PTPRS: variants seen among roughly 807,000 people sequenced by gnomAD.
PTPRS encodes receptor-type tyrosine-protein phosphatase S.
In PTPRS, 63 loss-of-function variants were observed where a neutral mutation model predicts 215.3. That is an observed-to-expected ratio of 0.29 (90% confidence interval 0.24 to 0.36). The LOEUF is 0.36. Ranked by LOEUF, PTPRS falls within the 10% of genes least tolerant of loss-of-function variation. PTPRS has a pLI of 1.00. For missense variants in PTPRS, 2,258 were observed against 2,825.8 expected (o/e 0.80, Z 4.56); for synonymous variants, 1,404 against 1,191.4 (o/e 1.18, Z -3.68).
At chr19:5,270,990 C>T (rs1232937783) in intron 4 of PTPRS, among the ~76,000 whole-genome samples, 1 of 152,116 alleles carries the variant, frequency 6.6e-6, no homozygotes, top group Non-Finnish European at 1.5e-5. Flanking sequence ...TGATGCCAGT[C>T]CCAGTTTCAT....
chr19:5,222,139 G>A lies in PTPRS; in HGVS notation c.3185C>T (p.Ser1062Leu). ...LSWEFPDNYN[S>L]PTPYKIQYNG... ...CAGTCGCACCTTGTAGGGTGTGGGT[G>A]AGTTGTAGTTGTCAGGGAACTCCCA... Residue 1062 changes from serine (S) to leucine (L), a missense_variant, in exon 19 of 38, where the codon TCA (serine) becomes TTA (leucine). By Grantham distance (145) the Ser-to-Leu change is moderately radical. Transcript: ENST00000262963. 6.2e-7 allele frequency: 1 copy of A among 1,613,642 alleles called. No homozygotes were observed. The highest frequency in any genetic ancestry group is 8.5e-7 in the Non-Finnish European group (1 of 1,179,734).
In PTPRS at chr19:5,243,885, C is replaced by A. The variant is rs757987049; in HGVS notation, c.1570+16G>T. On this transcript the variant is annotated intron_variant, in intron 11 of 37. Transcript: ENST00000262963. ...GCACGGCCGGGGCCCCGAGTCCTGC[C>A]GACCCCACGCCTCACCTCCCTGCTG... The A allele has an allele frequency of 6.8e-7, 1 of 1,464,028 alleles. No homozygotes were observed. The allele number at this position is 1,464,028 out of a possible 1,614,324, so 90.7% of individuals were successfully genotyped here.
intron 13 of PTPRS, among the ~76,000 whole-genome samples, chr19:5,236,799 A>T (rs1053604943): frequency 6.7e-6 from 1 of 148,994 alleles, no homozygotes; most frequent in Admixed American, 6.8e-5. Flanking sequence ...GACCAGCCAC[A>T]CCAACCAAAG....
chr19:5,243,786 A>G (rs1391904277), intron 11 of PTPRS, 115 bp downstream of exon 11: 3 of 986,702 alleles, frequency 3.0e-6, no homozygotes, highest in Non-Finnish European at 4.2e-6. Flanking sequence ...TGCTAGCATG[A>G]AAATATCTTA....
chr19:5,245,722 G>A (rs1258657061), intron 10 of PTPRS, 54 bp downstream of exon 10: 29 of 1,505,286 alleles, frequency 1.9e-5, no homozygotes, highest in African/African-American at 4.2e-5. Context: ...GCCTGAAGTC[G>A]GGGATCGACT....
intron 17 of PTPRS, among the ~76,000 whole-genome samples, chr19:5,224,812 G>A (rs145958228): frequency 8.4e-4 from 128 of 152,288 alleles, no homozygotes; most frequent in Non-Finnish European, 1.1e-3. Flanking sequence ...CGCAGACAAG[G>A]TGCGTGAAGG....
rs528079892 is a variant in PTPRS, at chr19:5,330,735, G to C, written c.-95+9929C>G. On this transcript the variant is annotated intron_variant, in intron 1 of 37. Transcript: ENST00000262963. ...CCAGGGAGGGTCTTTGTCAGGATCC[G>C]AACCTGGGGCGTTCAGACCCCTAAT... 3.3e-5 allele frequency among the ~76,000 whole-genome samples: 5 copies of C among 152,302 alleles called. No homozygotes were observed. In the South Asian group the frequency reaches 1.0e-3, roughly 32 times the overall value.
chr19:5,289,331 C>T (rs1247361248), intron 1 of PTPRS, among the ~76,000 whole-genome samples: 1 of 152,202 alleles, frequency 6.6e-6, no homozygotes, highest in Non-Finnish European at 1.5e-5. Context: ...TCCACTTCTT[C>T]CAGCCCCATT....
intron 2 of PTPRS, among the ~76,000 whole-genome samples, chr19:5,275,243 T>A (rs571335696): frequency 6.6e-6 from 1 of 151,330 alleles, no homozygotes; most frequent in Admixed American, 6.6e-5. Context: ...GCTAACTTTT[T>A]GTATTTTTAG....
chr19:5,253,514 T>C (rs1187920734), intron 9 of PTPRS, among the ~76,000 whole-genome samples: 1 of 152,124 alleles, frequency 6.6e-6, no homozygotes, highest in Non-Finnish European at 1.5e-5. Flanking sequence ...ATATGGGCCT[T>C]TGTTGTCCCT....
At chr19:5,229,908 C>T (rs900010807) in intron 14 of PTPRS, among the ~76,000 whole-genome samples, 4 of 151,746 alleles carry the variant, frequency 2.6e-5, no homozygotes, top group Non-Finnish European at 4.4e-5. Flanking sequence ...CCAGGCTGCC[C>T]CCCCCCGAGT....
At chr19:5,305,758 TA>T (rs1233176741) in intron 1 of PTPRS, among the ~76,000 whole-genome samples, 7 of 111,526 alleles carry the variant, frequency 6.3e-5, no homozygotes, top group African/African-American at 3.0e-4. Flanking sequence ...TATATATATA[TA>T]TATATATTTT....
At chr19:5,301,720 G>T (rs933411007) in intron 1 of PTPRS, among the ~76,000 whole-genome samples, 3 of 151,988 alleles carry the variant, frequency 2.0e-5, no homozygotes, top group Admixed American at 2.0e-4. Context: ...CCCAGGAAGG[G>T]TGATCACAGT....
intron 13 of PTPRS, among the ~76,000 whole-genome samples, chr19:5,234,595 T>G (rs1294981435): frequency 6.6e-6 from 1 of 152,140 alleles, no homozygotes; most frequent in African/African-American, 2.4e-5. Context: ...CAGTTGTCAT[T>G]TAAGCAGCAC....
Position 5,287,966 on chromosome 19 carries a change from A to G in PTPRS, c.-94-1732T>C, listed in dbSNP as rs1332242463. ...ACACAGTCAGGCAGCAGAGACGGGC[A>G]CACACACACACACACACACACACAC... On this transcript the variant is annotated intron_variant, in intron 1 of 37. Coordinates refer to ENST00000262963, the MANE Select transcript of PTPRS (RefSeq NM_002850.4). The surrounding 1 kb of genome is among the most constrained non-coding windows in gnomAD (Gnocchi z 4.8). Among the ~76,000 whole-genome samples the G allele has an allele frequency of 2.0e-3, 15 of 7,494 alleles. No homozygotes were observed. The highest frequency in any genetic ancestry group is 2.8e-3 in the Admixed American group (4 of 1,416). 4.9% of individuals were successfully genotyped at this position (7,494 alleles called of 152,430 possible).
chr19:5,315,540 T>TG (rs997160779), intron 1 of PTPRS, among the ~76,000 whole-genome samples: 20 of 98,374 alleles, frequency 2.0e-4, no homozygotes, highest in African/African-American at 1.1e-3. Flanking sequence ...ATTTTTAAAA[T>TG]TTTTTTCAGA....
chr19:5,285,991 T>C, intron 2 of PTPRS, 59 bp downstream of exon 2: 2 of 1,526,784 alleles, frequency 1.3e-6, no homozygotes, highest in Non-Finnish European at 1.8e-6. Context: ...CACACAGCCA[T>C]AAATGCACAC....
At chr19:5,320,454 G>A (rs938676920) in intron 1 of PTPRS, among the ~76,000 whole-genome samples, 2 of 152,140 alleles carry the variant, frequency 1.3e-5, no homozygotes, top group Admixed American at 6.5e-5. Flanking sequence ...TAATTGAGAC[G>A]GAGTTCGCTC....
At chr19:5,336,589 A>C (rs2050508918) in intron 1 of PTPRS, among the ~76,000 whole-genome samples, 1 of 152,098 alleles carries the variant, frequency 6.6e-6, no homozygotes, top group African/African-American at 2.4e-5. Context: ...GACAAAATTC[A>C]CAGTTTAAAA....
Sources: allele counts gnomAD v4.1 joint callset (sites outside exome capture counted in the v4.1 genomes callset), GRCh38; gene constraint gnomAD v4.1.1; non-coding constraint Gnocchi (gnomAD v3.1); transcripts MANE v1.5; gene names NCBI Gene and HGNC (gene_info 2026-07-23, HGNC 2026-07-21).